MGMT: variants seen among roughly 807,000 people sequenced by gnomAD.
MGMT encodes the protein methylated-DNA--protein-cysteine methyltransferase.
In MGMT, 14 loss-of-function variants were observed where a neutral mutation model predicts 15.9. The observed-to-expected ratio is 0.88, with a 90% CI of 0.58 to 1.37. The LOEUF (loss-of-function observed/expected upper bound fraction) is 1.37, where lower values mean the gene tolerates loss of function less well. Ranked by LOEUF, MGMT falls within the 40% of genes most tolerant of loss-of-function variation. The probability of loss-of-function intolerance (pLI) is 0.00; values close to 1 mark genes in which losing one functional copy is unlikely to be tolerated. For synonymous variants in MGMT, 130 were observed against 118.2 expected, an observed-to-expected ratio of 1.10 and a Z score of -0.65; for missense variants, 282 against 268.1, an observed-to-expected ratio of 1.05 and a Z score of -0.36.
intron 3 of MGMT, among the ~76,000 whole-genome samples, chr10:129,709,294 G>A (rs1304492560): frequency 1.3e-5 from 2 of 152,212 alleles, no homozygotes; most frequent in Non-Finnish European, 2.9e-5. Flanking sequence ...CCAGCTGGGG[G>A]CCACCTCTCC....
chr10:129,769,758 G>A lies in MGMT; in HGVS notation c.*2761G>A, dbSNP rs1253068594. On this transcript the variant is annotated 3_prime_UTR_variant, in exon 5 of 5. Coordinates refer to ENST00000651593, the MANE Select transcript of MGMT (RefSeq NM_002412.5). ...TCCAGTAAACCCACCTGCATTCCAC[G>A]TGTCCTGTGGCCGCCTCCAGTGGTG... Among the ~76,000 whole-genome samples, 3 of 152,158 alleles carry A rather than the reference G, an allele frequency of 2.0e-5. No individual in the cohort carries two copies. The highest frequency in any genetic ancestry group is 6.5e-5 in the Admixed American group (1 of 15,276).
At chr10:129,719,016 A>T (rs777589358) in intron 3 of MGMT, among the ~76,000 whole-genome samples, 26 of 149,524 alleles carry the variant, frequency 1.7e-4, no homozygotes, top group Non-Finnish European at 3.0e-4. Context: ...CACCTTCCTG[A>T]GATGTCTAGA....
chr10:129,510,079 C>T lies in MGMT; in HGVS notation c.-12-26162C>T, dbSNP rs184664118. Among the ~76,000 whole-genome samples the T allele has an allele frequency of 1.5e-3, 224 of 152,286 alleles. 1 individual carries two copies. Among genetic ancestry groups the T allele is most frequent in the Non-Finnish European group, 1.9e-3 (131 of 68,034 alleles). Reference sequence around the variant, plus strand: ...CTTCCCGCAGGGTGCTGTCCTCTGCCTGACAAGTCCTGTTCCCTGTCTCCT... The same window carrying T: ...CTTCCCGCAGGGTGCTGTCCTCTGCTTGACAAGTCCTGTTCCCTGTCTCCT... On this transcript the variant is annotated intron_variant, in intron 1 of 4. Transcript: ENST00000651593.
chr10:129,502,370 G>T (rs1376686304), intron 1 of MGMT, among the ~76,000 whole-genome samples: 1 of 152,122 alleles, frequency 6.6e-6, no homozygotes, highest in Non-Finnish European at 1.5e-5. Flanking sequence ...CCGGTGCCAG[G>T]CATATTTAGT....
At chr10:129,512,479 G>A (rs1383639023) in intron 1 of MGMT, among the ~76,000 whole-genome samples, 1 of 152,086 alleles carries the variant, frequency 6.6e-6, no homozygotes, top group African/African-American at 2.4e-5. Flanking sequence ...CCCCACACCA[G>A]GTCTCTGGAA....
Position 129,584,438 on chromosome 10 carries a change from T to TG in MGMT, c.125+48062dup, listed in dbSNP as rs1257188629. Among the ~76,000 whole-genome samples the TG allele has an allele frequency of 6.7e-5, 8 of 120,040 alleles. No individual in the cohort carries two copies. The East Asian group carries it at 1.3e-3, about 20-fold the overall frequency. 78.8% of individuals were successfully genotyped at this position (120,040 alleles called of 152,430 possible). Reference sequence around the variant, plus strand: ...TTTCTTTTTTGTATAAGGCTTAATTTGTTTTTTTTTTCATGTTATAGCTTT... The same window carrying TG: ...TTTCTTTTTTGTATAAGGCTTAATTTGGTTTTTTTTTTCATGTTATAGCTTT... On this transcript the variant is annotated intron_variant, in intron 2 of 4. Coordinates refer to ENST00000651593, the MANE Select transcript of MGMT (RefSeq NM_002412.5).
In MGMT at chr10:129,513,810, G is replaced by T. The variant is rs370579279; in HGVS notation, c.-12-22431G>T. Among the ~76,000 whole-genome samples, 502 of 152,304 alleles carry T rather than the reference G, an allele frequency of 3.3e-3. 1 individual carries two copies. Among genetic ancestry groups the T allele is most frequent in the African/African-American group, 0.011 (477 of 41,556 alleles). ...CGTCTTTTCTTCATTGCGGACAGAG[G>T]CTTCCAAACTCCACGGCTGAGCCCC... On this transcript the variant is annotated intron_variant, in intron 1 of 4. Coordinates refer to ENST00000651593, the MANE Select transcript of MGMT (RefSeq NM_002412.5).
intron 2 of MGMT, chr10:129,700,701 TA>T (rs1848088599): frequency 6.6e-6 from 1 of 152,232 alleles, no homozygotes; most frequent in Non-Finnish European, 1.5e-5. Context: ...GCCTCCTGTT[TA>T]AAATAAAATG....
intron 3 of MGMT, among the ~76,000 whole-genome samples, chr10:129,737,833 C>T (rs1279671487): frequency 6.6e-6 from 1 of 152,166 alleles, no homozygotes; most frequent in Non-Finnish European, 1.5e-5. Context: ...TCAGTCTGGC[C>T]CTGCTGGGGG....
chr10:129,598,122 C>T (rs145352177), intron 2 of MGMT, among the ~76,000 whole-genome samples: 32 of 152,262 alleles, frequency 2.1e-4, no homozygotes, highest in African/African-American at 6.0e-4. Flanking sequence ...ACCGTGGATG[C>T]GGCCAGCAAG....
Position 129,536,109 on chromosome 10 carries a change from G to A in MGMT, c.-12-132G>A, listed in dbSNP as rs191145398. On this transcript the variant is annotated intron_variant, in intron 1 of 4. Transcript: ENST00000651593. ...AATCATATTGTGAAAATGATGCATC[G>A]TATAATTCCAAAAATGAGGAAGAGC... 2,947 of 1,044,974 alleles carry A rather than the reference G, an allele frequency of 2.8e-3. 18 individuals carry two copies. Among genetic ancestry groups the A allele is most frequent in the Non-Finnish European group, 3.1e-3 (2,215 of 722,838 alleles). The allele number at this position is 1,044,974 out of a possible 1,614,324, so 64.7% of individuals were successfully genotyped here.
chr10:129,722,731 C>T (rs916664768), intron 3 of MGMT, among the ~76,000 whole-genome samples: 1 of 152,128 alleles, frequency 6.6e-6, no homozygotes, highest in Non-Finnish European at 1.5e-5. Flanking sequence ...GTTGGCCAGG[C>T]ATGGTGGCTT....
chr10:129,727,213 G>T (rs549325106), intron 3 of MGMT, among the ~76,000 whole-genome samples: 1 of 152,236 alleles, frequency 6.6e-6, no homozygotes, highest in Non-Finnish European at 1.5e-5. Flanking sequence ...TATGGAGGAA[G>T]TGATGGTGTG....
intron 2 of MGMT, among the ~76,000 whole-genome samples, chr10:129,607,366 A>G (rs1846904554): frequency 6.6e-6 from 1 of 152,152 alleles, no homozygotes; most frequent in African/African-American, 2.4e-5. Context: ...CCTAAGTACC[A>G]TTGAAGAAGT....
intron 4 of MGMT, among the ~76,000 whole-genome samples, chr10:129,761,742 G>T (rs542872707): frequency 6.6e-6 from 1 of 152,174 alleles, no homozygotes; most frequent in Non-Finnish European, 1.5e-5. Context: ...GGTTCTACAG[G>T]CACCAAGTCT....
intron 2 of MGMT, among the ~76,000 whole-genome samples, chr10:129,699,977 C>G (rs1297284548): frequency 6.6e-6 from 1 of 152,106 alleles, no homozygotes; most frequent in Non-Finnish European, 1.5e-5. Flanking sequence ...ATTACTCATA[C>G]CTGTCATTGT....
chr10:129,491,909 A>G (rs1056983386), intron 1 of MGMT, among the ~76,000 whole-genome samples: 3 of 151,798 alleles, frequency 2.0e-5, no homozygotes, highest in African/African-American at 7.3e-5. Flanking sequence ...ATCTGCTAGC[A>G]CCAGTATTGT....
chr10:129,536,482 C>A (rs575722198), intron 2 of MGMT, 105 bp downstream of exon 2: 29 of 1,389,588 alleles, frequency 2.1e-5, no homozygotes, highest in Non-Finnish European at 2.8e-5. Context: ...AACGCATAGC[C>A]TTACCCCCAC....
At chr10:129,712,399 G>A (rs1349270686) in intron 3 of MGMT, among the ~76,000 whole-genome samples, 2 of 152,226 alleles carry the variant, frequency 1.3e-5, no homozygotes, top group African/African-American at 4.8e-5. Flanking sequence ...TTGGCTTACA[G>A]CTATGAAATC....
Sources: gnomAD v4.1 joint callset for allele counts (sites outside exome capture counted in the v4.1 genomes callset) on GRCh38, gnomAD v4.1.1 for gene constraint, MANE v1.5 for transcripts, NCBI Gene and HGNC (gene_info 2026-07-23, HGNC 2026-07-21) for gene names.